The following PDE4DIP variants were observed in gnomAD, a reference collection of about 807,000 sequenced individuals.
The protein encoded by PDE4DIP is myomegalin.
Under a neutral mutation model 221.4 loss-of-function variants are expected in PDE4DIP, and 59 were observed. That is an observed-to-expected ratio of 0.27 (90% CI 0.22 to 0.33). PDE4DIP has a LOEUF of 0.33. Among genes scored for constraint, PDE4DIP ranks in the 10% least tolerant of loss-of-function variants. The pLI, the probability that PDE4DIP is intolerant of heterozygous loss-of-function variation, is 1.00. For missense variants in PDE4DIP, 1,036 were observed against 2,154.2 expected (o/e 0.48, Z 10.28); for synonymous variants, 404 against 815.9 (o/e 0.50, Z 8.60).
At position 149,009,665 on chromosome 1, in the gene PDE4DIP, T is replaced by C. The variant is rs373674085; in HGVS notation, c.4801T>C (p.Ser1601Pro). The C allele has an allele frequency of 6.8e-6, 11 of 1,614,090 alleles. No individual in the cohort carries two copies. In the African/African-American group the frequency reaches 1.5e-4, roughly 22 times the overall value. Residue 1601 changes from serine (S) to proline (P), a missense_variant, in exon 30 of 44, where the codon TCT (serine) becomes CCT (proline). By Grantham distance (74) the Ser-to-Pro change is moderately conservative. Transcript: ENST00000369354. The stretch of plus-strand genomic sequence containing the variant: ...CACACCCTCCAGCAGCCATGCCTTG[T>C]CTGACTCCCACCGCTCTCCCAGCAG...
At chr1:148,875,881 G>A (rs1177983340) in intron 3 of PDE4DIP, among the ~76,000 whole-genome samples, 7 of 152,278 alleles carry the variant, frequency 4.6e-5, no homozygotes, top group South Asian at 2.1e-4. Context: ...AGCCGAGATC[G>A]AGCCACTGCA....
At chr1:148,973,102 G>A (rs2059509310) in intron 16 of PDE4DIP, among the ~76,000 whole-genome samples, 1 of 135,332 alleles carries the variant, frequency 7.4e-6, no homozygotes, top group Admixed American at 7.5e-5. Flanking sequence ...CTTTTGGTGG[G>A]TAATGGCATT....
chr1:149,012,567 T>G (rs782305659), intron 31 of PDE4DIP, 24 bp from the exon 35 acceptor site: 9 of 1,545,082 alleles, frequency 5.8e-6, no homozygotes, highest in Non-Finnish European at 7.9e-6. Context: ...TGTGTCTCTT[T>G]TCTCCTTAAC....
At chr1:148,929,013 G>A in intron 1 of PDE4DIP, 184 bp from the exon 5 acceptor site, 1 of 517,468 alleles carries the variant, frequency 1.9e-6, no homozygotes, top group Non-Finnish European at 3.4e-6. Context: ...CCCTGAAGCT[G>A]TACAGTTTAT....
chr1:148,984,723 C>T (rs2061623113), intron 21 of PDE4DIP: 1 of 152,054 alleles, frequency 6.6e-6, no homozygotes, highest in African/African-American at 2.4e-5. Flanking sequence ...TTGTCCTTTT[C>T]ATTGAGAAAT....
exon 11 of PDE4DIP, chr1:148,966,637 A>G: frequency 3.8e-6 from 6 of 1,595,216 alleles, no homozygotes; most frequent in Non-Finnish European, 5.2e-6. Context: ...CGAATACATG[A>G]TAAAGCTGTT....
chr1:148,922,963 A>C (rs2045808852), intron 1 of PDE4DIP, among the ~76,000 whole-genome samples: 1 of 138,006 alleles, frequency 7.2e-6, no homozygotes, highest in South Asian at 2.5e-4. Flanking sequence ...TTCGAGATGG[A>C]GTTTCGCTCT....
At position 148,970,098 on chromosome 1, in the gene PDE4DIP, T is replaced by C; in HGVS notation, c.1980+1068T>C. Among the ~76,000 whole-genome samples the C allele has an allele frequency of 1.3e-5, 2 of 151,676 alleles. 1 individual carries two copies. The highest frequency in any genetic ancestry group is 1.3e-4 in the Admixed American group (2 of 15,212). On this transcript the variant is annotated intron_variant, in intron 14 of 43. Coordinates refer to ENST00000369354, the Ensembl canonical transcript of PDE4DIP. ...ACTTGTGCTGCATTTCAGATACCAG[T>C]AGCTCAGAATCCCCGTAGTCAGTTT...
rs71664015 is a variant in PDE4DIP, at chr1:148,962,551, C to T, written c.1105C>T (p.Leu369=). ...GGTGGTACGACAGAAAGAGCGCCAA[C>T]TGGCTGATGCCAAACAATGTGTGCA... The change falls in exon 9 of 44, where the codon CTG becomes TTG. Residue 369 remains leucine (L), a synonymous_variant. Coordinates refer to ENST00000369354, the Ensembl canonical transcript of PDE4DIP. 1 of 637,092 alleles carries T rather than the reference C, an allele frequency of 1.6e-6. No individual in the cohort carries two copies. Among genetic ancestry groups the T allele is most frequent in the Non-Finnish European group, 2.8e-6 (1 of 362,228 alleles). The allele number at this position is 637,092 out of a possible 1,614,324, so 39.5% of individuals were successfully genotyped here.
chr1:148,982,351 T>C (rs2061262028), intron 21 of PDE4DIP: 1 of 152,250 alleles, frequency 6.6e-6, no homozygotes, highest in South Asian at 2.1e-4. Flanking sequence ...ATTGCTTCTT[T>C]CATTTGTGGC....
At chr1:149,010,650 T>G in intron 31 of PDE4DIP, 55 bp downstream of exon 34, 1 of 1,576,778 alleles carries the variant, frequency 6.3e-7, no homozygotes, top group Non-Finnish European at 8.7e-7. Context: ...TGCTGCCTGT[T>G]TGATTTTTCT....
chr1:148,861,927 C>A, intron 1 of PDE4DIP, among the ~76,000 whole-genome samples: 1 of 100,764 alleles, frequency 9.9e-6, no homozygotes, highest in Non-Finnish European at 2.0e-5. Flanking sequence ...AGTCTGCGCC[C>A]CCTGCCCAGT....
intron 13 of PDE4DIP, among the ~76,000 whole-genome samples, chr1:148,968,438 G>A (rs1574528060): frequency 6.8e-6 from 1 of 148,006 alleles, no homozygotes; most frequent in Middle Eastern, 3.4e-3. Flanking sequence ...ATAGTGTTTA[G>A]TATTCCTTTC....
chr1:149,010,659 C>T, intron 31 of PDE4DIP, 64 bp downstream of exon 34: 1 of 1,544,546 alleles, frequency 6.5e-7, no homozygotes, highest in South Asian at 1.2e-5. Flanking sequence ...TTTGATTTTT[C>T]TTCAACGACA....
chr1:148,865,111 C>G (rs1263448784), intron 2 of PDE4DIP, among the ~76,000 whole-genome samples: 1 of 141,062 alleles, frequency 7.1e-6, no homozygotes, highest in Admixed American at 6.9e-5. Flanking sequence ...ATTTTTGAGA[C>G]AGAGTCTTGC....
At chr1:148,954,867 A>G (rs2054771416) in intron 5 of PDE4DIP, among the ~76,000 whole-genome samples, 2 of 152,266 alleles carry the variant, frequency 1.3e-5, no homozygotes. Flanking sequence ...GGTAGATGTG[A>G]TCTAGAAGGC....
intron 1 of PDE4DIP, among the ~76,000 whole-genome samples, chr1:148,861,994 C>T (rs1553401531): frequency 9.1e-6 from 1 of 110,246 alleles, no homozygotes; most frequent in East Asian, 2.5e-4. Flanking sequence ...TCACTGCACC[C>T]AGCCACTAAC....
intron 27 of PDE4DIP, chr1:149,006,520 T>A (rs587765472): frequency 7.2e-5 from 11 of 152,292 alleles, no homozygotes; most frequent in Non-Finnish European, 1.6e-4. Context: ...ACAGAAGGCA[T>A]GAAAGGTTCT....
At chr1:148,989,639 A>G (rs1446894906) in intron 21 of PDE4DIP, among the ~76,000 whole-genome samples, 2 of 152,198 alleles carry the variant, frequency 1.3e-5, no homozygotes, top group African/African-American at 4.8e-5. Context: ...TCCTGACCTC[A>G]TAGAGCTGTG....
Sources: allele counts gnomAD v4.1 joint callset (sites outside exome capture counted in the v4.1 genomes callset), GRCh38; gene constraint gnomAD v4.1.1; transcripts MANE v1.5; gene names NCBI Gene and HGNC (gene_info 2026-07-23, HGNC 2026-07-21).